The following MAGI1 variants were observed in gnomAD, a reference collection of about 807,000 sequenced individuals.
The protein encoded by MAGI1 is membrane associated guanylate kinase, WW and PDZ domain containing 1.
MAGI1 carries 58 observed loss-of-function variants against 139.9 expected under a neutral mutation model. That is an observed-to-expected ratio of 0.41 (90% CI 0.34 to 0.52). The LOEUF (loss-of-function observed/expected upper bound fraction) is 0.52, where lower values mean the gene tolerates loss of function less well. MAGI1 is among the 20% of genes least tolerant of loss of function. The pLI is 0.12. For synonymous variants in MAGI1, 812 were observed against 737.9 expected (o/e 1.10, Z -1.63); for missense variants, 1,874 against 1,901.6 (o/e 0.99, Z 0.27).
chr3:65,785,380 A>G (rs2039302115), intron 1 of MAGI1, among the ~76,000 whole-genome samples: 1 of 152,224 alleles, frequency 6.6e-6, no homozygotes, highest in Non-Finnish European at 1.5e-5. Flanking sequence ...GTTTCATACA[A>G]CACATTAAAG....
chr3:65,401,938 T>A (rs1230524137), intron 12 of MAGI1: 15 of 979,964 alleles, frequency 1.5e-5, no homozygotes, highest in Non-Finnish European at 1.7e-5. Context: ...TAAAAAAATT[T>A]TTTTGGTCTT....
intron 2 of MAGI1, among the ~76,000 whole-genome samples, chr3:65,536,697 G>A (rs2078971543): frequency 6.6e-6 from 1 of 152,078 alleles, no homozygotes; most frequent in Non-Finnish European, 1.5e-5. Flanking sequence ...ATATGATCCT[G>A]GTTAATCTAA....
intron 2 of MAGI1, among the ~76,000 whole-genome samples, chr3:65,540,636 A>G (rs1006941374): frequency 9.2e-5 from 14 of 152,218 alleles, no homozygotes; most frequent in Non-Finnish European, 2.1e-4. Context: ...TTCAAAAACT[A>G]TCTATTGGAC....
rs376510497 is a variant in MAGI1, at chr3:65,453,351, G to C, written c.960-11C>G. On this transcript the variant is annotated splice_polypyrimidine_tract_variant and intron_variant, in intron 5 of 22. Transcript: ENST00000402939. ...GTTTTCGTGTTATGGCTGCAATCCA[G>C]AAACAAAAATAAGAAATTTGTTTGA... 4 of 1,113,698 alleles carry C rather than the reference G, an allele frequency of 3.6e-6. No homozygotes were observed. Among genetic ancestry groups the C allele is most frequent in the East Asian group, 3.2e-5 (1 of 31,558 alleles). The allele number at this position is 1,113,698 out of a possible 1,614,324, so 69.0% of individuals were successfully genotyped here. A position where few individuals can be genotyped will look rare whatever the true frequency, so the allele number is the denominator to read the frequency against.
intron 1 of MAGI1, among the ~76,000 whole-genome samples, chr3:65,636,171 T>C (rs1052819084): frequency 6.6e-6 from 1 of 152,154 alleles, no homozygotes; most frequent in Non-Finnish European, 1.5e-5. Context: ...GTAAATGTGG[T>C]TGTGTACAAA....
In MAGI1 at chr3:65,992,835, G is replaced by C. The variant is rs941933630; in HGVS notation, c.313+45161C>G. Among the ~76,000 whole-genome samples the C allele has an allele frequency of 7.2e-5, 11 of 152,026 alleles. No homozygotes were observed. In the East Asian group the frequency reaches 1.4e-3, roughly 19 times the overall value. On this transcript the variant is annotated intron_variant, in intron 1 of 22. Transcript: ENST00000402939. ...TCATTTCGGCTTTATTTTTATTGTT[G>C]TTGTTGTTATTGTAGGGTTTCACTC...
intron 2 of MAGI1, among the ~76,000 whole-genome samples, chr3:65,551,569 G>A (rs906512128): frequency 5.3e-5 from 8 of 152,150 alleles, no homozygotes; most frequent in African/African-American, 1.9e-4. Context: ...CAAAGTGCTG[G>A]GATTACAGGC....
chr3:66,027,265 C>T (rs371553180), intron 1 of MAGI1, among the ~76,000 whole-genome samples: 3 of 69,830 alleles, frequency 4.3e-5, no homozygotes, highest in African/African-American at 1.4e-4. Context: ...GACTCCGTCT[C>T]AAATAAATAA....
chr3:65,741,475 AT>A (rs2035265147), intron 1 of MAGI1, among the ~76,000 whole-genome samples: 1 of 152,172 alleles, frequency 6.6e-6, no homozygotes, highest in Non-Finnish European at 1.5e-5. Context: ...CGCCTGGCCT[AT>A]TGCTTTATTT....
chr3:65,845,251 CA>C (rs34871480), intron 1 of MAGI1, among the ~76,000 whole-genome samples: 72,223 of 140,794 alleles, frequency 0.51, 18,736 homozygotes, highest in East Asian at 0.78. Context: ...GACTCCATCT[CA>C]AAAAAAAAAA....
At chr3:65,638,597 ATTTTTT>A (rs1173086138) in intron 1 of MAGI1, among the ~76,000 whole-genome samples, 38 of 41,004 alleles carry the variant, frequency 9.3e-4, no homozygotes, top group African/African-American at 2.4e-3. Flanking sequence ...TGCTCTCCTG[ATTTTTT>A]TTTTTTTTTT....
At chr3:65,597,607 C>T in intron 2 of MAGI1, 1 of 440,714 alleles carries the variant, frequency 2.3e-6, no homozygotes, top group Non-Finnish European at 4.7e-6. Flanking sequence ...TTTCTCCCCG[C>T]CCCTCCTCCC....
chr3:65,787,336 A>T (rs1390241), intron 1 of MAGI1, among the ~76,000 whole-genome samples: 9 of 151,550 alleles, frequency 5.9e-5, no homozygotes, highest in Admixed American at 1.3e-4. Flanking sequence ...ATAGTATAAA[A>T]GAAACCGGAT....
chr3:65,761,862 G>A (rs764964760), intron 1 of MAGI1, among the ~76,000 whole-genome samples: 8 of 152,182 alleles, frequency 5.3e-5, no homozygotes, highest in Non-Finnish European at 7.3e-5. Context: ...GTGAAAACAC[G>A]TCAGGTGTGG....
intron 14 of MAGI1, among the ~76,000 whole-genome samples, chr3:65,386,007 G>A (rs1473144867): frequency 1.3e-5 from 2 of 152,188 alleles, no homozygotes; most frequent in African/African-American, 2.4e-5. Context: ...TCCTGGCAGA[G>A]TCTGTTTTAG....
chr3:65,506,482 G>T (rs2077293129), intron 2 of MAGI1, among the ~76,000 whole-genome samples: 1 of 152,170 alleles, frequency 6.6e-6, no homozygotes, highest in East Asian at 1.9e-4. Flanking sequence ...TCCAAGAGGG[G>T]TATATTTTTC....
intron 5 of MAGI1, among the ~76,000 whole-genome samples, chr3:65,460,667 G>C (rs905273893): frequency 6.6e-6 from 1 of 151,888 alleles, no homozygotes; most frequent in Non-Finnish European, 1.5e-5. Context: ...ATCTACATTA[G>C]GTATTACTCC....
intron 1 of MAGI1, among the ~76,000 whole-genome samples, chr3:65,869,546 AC>A (rs2059861729): frequency 6.6e-6 from 1 of 151,184 alleles, no homozygotes; most frequent in Non-Finnish European, 1.5e-5. Context: ...GACTACAGGC[AC>A]CCGCCACCAC....
At chr3:65,983,377 T>A (rs578126809) in intron 1 of MAGI1, among the ~76,000 whole-genome samples, 9 of 152,262 alleles carry the variant, frequency 5.9e-5, no homozygotes, top group African/African-American at 1.9e-4. Context: ...TAATGTGGAG[T>A]ACAATGAGAC....
Sources: allele counts gnomAD v4.1 joint callset (sites outside exome capture counted in the v4.1 genomes callset), GRCh38; gene constraint gnomAD v4.1.1; transcripts MANE v1.5; gene names NCBI Gene and HGNC (gene_info 2026-07-23, HGNC 2026-07-21).